Variants in FBXO16 observed in about 807,000 individuals in gnomAD.
The protein encoded by FBXO16 is F-box only protein 16.
FBXO16 carries 31 observed loss-of-function variants against 41.0 expected under a neutral mutation model. That is an observed-to-expected ratio of 0.76 (90% confidence interval 0.57 to 1.02). The LOEUF (loss-of-function observed/expected upper bound fraction) is 1.02. FBXO16 is among the 50% of genes least tolerant of loss of function. The pLI is 0.00. For synonymous variants in FBXO16, 133 were observed against 117.8 expected, an observed-to-expected ratio of 1.13 and a Z score of -0.84; for missense variants, 361 against 346.2, an observed-to-expected ratio of 1.04 and a Z score of -0.34.
intron 4 of FBXO16, among the ~76,000 whole-genome samples, chr8:28,458,139 C>T (rs1803066102): frequency 6.6e-6 from 1 of 152,200 alleles, no homozygotes; most frequent in Non-Finnish European, 1.5e-5. Context: ...TGAGTGCCCC[C>T]TCACCCCCAA....
intron 5 of FBXO16, among the ~76,000 whole-genome samples, chr8:28,452,923 G>A (rs868797504): frequency 4.2e-5 from 6 of 143,128 alleles, no homozygotes; most frequent in East Asian, 2.0e-4. Context: ...TAAAAAAAAA[G>A]AAAAAAAGGA....
In FBXO16 at chr8:28,483,430, G is replaced by A. The variant is rs1330944039; in HGVS notation, c.17C>T (p.Pro6Leu). ...TTTGGGACCATCTGTGTTTTTTGGAGGTGCAAATGCCATCATGAAACAACT... is the reference window on the plus strand; with the variant it reads ...TTTGGGACCATCTGTGTTTTTTGGAAGTGCAAATGCCATCATGAAACAACT... MMAFA[P>L]PKNTDGPKMQ... The change falls in exon 2 of 9, where the codon CCT becomes CTT. Residue 6 changes from proline (P) to leucine (L), a missense_variant. Physicochemically the swap from Pro to Leu is moderately conservative, Grantham distance 98 (BLOSUM62 -3). Coordinates refer to ENST00000380254, the MANE Select transcript of FBXO16 (RefSeq NM_172366.4). 2 of 1,613,870 alleles carry A rather than the reference G, an allele frequency of 1.2e-6. No homozygotes were observed. Among genetic ancestry groups the A allele is most frequent in the Admixed American group, 1.7e-5 (1 of 59,980 alleles).
chr8:28,460,448 G>A (rs1803116215), intron 4 of FBXO16, among the ~76,000 whole-genome samples: 1 of 51,750 alleles, frequency 1.9e-5, no homozygotes, highest in African/African-American at 1.4e-4. Context: ...TTTTTTTTGA[G>A]ACAGCGTCTC....
intron 2 of FBXO16, among the ~76,000 whole-genome samples, chr8:28,480,114 C>T (rs1803487924): frequency 6.6e-6 from 1 of 152,092 alleles, no homozygotes; most frequent in South Asian, 2.1e-4. Flanking sequence ...TCTTTCTCTG[C>T]CTTTCCTTTT....
In FBXO16 at chr8:28,428,467, T is replaced by G; in HGVS notation, c.*260A>C. On this transcript the variant is annotated 3_prime_UTR_variant, in exon 9 of 9. Transcript: ENST00000380254. ...TAGGACTCACTACCACAATAAGTAC[T>G]TAAGCTGAAAGAGTTTCTAATGGGA... 1.6e-6 allele frequency: 2 copies of G among 1,236,810 alleles called. No individual in the cohort carries two copies. The highest frequency in any genetic ancestry group is 2.2e-6 in the Non-Finnish European group (2 of 915,726). 76.6% of individuals were successfully genotyped at this position (1,236,810 alleles called of 1,614,324 possible).
At chr8:28,464,259 C>T (rs1003746455) in intron 3 of FBXO16, among the ~76,000 whole-genome samples, 5 of 152,184 alleles carry the variant, frequency 3.3e-5, no homozygotes, top group Non-Finnish European at 2.9e-5. Flanking sequence ...AAGCAAATAT[C>T]CCTCAGAAGG....
chr8:28,477,968 G>A (rs1014522475), intron 2 of FBXO16, among the ~76,000 whole-genome samples: 10 of 152,118 alleles, frequency 6.6e-5, no homozygotes, highest in Non-Finnish European at 1.5e-4. Context: ...AGCCGTGATT[G>A]TGCCACTGTA....
intron 7 of FBXO16, among the ~76,000 whole-genome samples, chr8:28,445,756 T>C (rs1473628780): frequency 6.6e-6 from 1 of 152,212 alleles, no homozygotes; most frequent in Non-Finnish European, 1.5e-5. Context: ...TCTTTCTTTT[T>C]TCTTTTTTTT....
intron 7 of FBXO16, among the ~76,000 whole-genome samples, chr8:28,442,337 C>G (rs1006742096): frequency 1.3e-5 from 2 of 151,942 alleles, no homozygotes; most frequent in African/African-American, 2.4e-5. Context: ...TCATAAGGAG[C>G]CTTCAAAACT....
Position 28,428,717 on chromosome 8 carries a change from G to A in FBXO16, c.*10C>T, listed in dbSNP as rs763181427. 6.4e-7 allele frequency: 1 copy of A among 1,566,104 alleles called. No homozygotes were observed. The highest frequency in any genetic ancestry group is 1.2e-5 in the South Asian group (1 of 83,216). On this transcript the variant is annotated 3_prime_UTR_variant, in exon 9 of 9. Transcript: ENST00000380254. Reference sequence around the variant, plus strand: ...GAGATGAGCTGGAACTTTTAGGGGAGAGCTGGCACTTAGGGACATCTAGAA... The same window carrying A: ...GAGATGAGCTGGAACTTTTAGGGGAAAGCTGGCACTTAGGGACATCTAGAA...
rs79997016 is a variant in FBXO16, at chr8:28,481,220, G to A, written c.99+2128C>T. The stretch of plus-strand genomic sequence containing the variant: ...ATTATTGGTTTCACATAATAGAATC[G>A]GAATCTTAGAAAGATCTCTCTGGGA... On this transcript the variant is annotated intron_variant, in intron 2 of 8. Coordinates refer to ENST00000380254, the MANE Select transcript of FBXO16 (RefSeq NM_172366.4). 6.4e-3 allele frequency among the ~76,000 whole-genome samples: 979 copies of A among 152,256 alleles called. 5 individuals are homozygous for A. Among genetic ancestry groups the A allele is most frequent in the Non-Finnish European group, 0.01 (698 of 68,012 alleles).
intron 7 of FBXO16, among the ~76,000 whole-genome samples, chr8:28,439,861 GTTCTATAAA>G (rs145357169): frequency 0.63 from 95,943 of 151,644 alleles, 30,874 homozygotes; most frequent in East Asian, 0.82. Context: ...CAGAAACTCT[GTTCTATAAA>G]TTCTTCTGTT....
chr8:28,465,639 T>A (rs1047259721), intron 3 of FBXO16, among the ~76,000 whole-genome samples: 25 of 151,782 alleles, frequency 1.6e-4, no homozygotes, highest in African/African-American at 3.6e-4. Flanking sequence ...AAATAAAAAA[T>A]TTTTAAAAAA....
chr8:28,475,613 T>TCTCTCCTC (rs1468158859), intron 2 of FBXO16, among the ~76,000 whole-genome samples: 1 of 152,204 alleles, frequency 6.6e-6, no homozygotes, highest in Admixed American at 6.5e-5. Context: ...TCCAGGGATT[T>TCTCTCCTC]CTCTCCTCCT....
Position 28,463,828 on chromosome 8 carries a change from C to A in FBXO16, c.136-10G>T, listed in dbSNP as rs746295862. The A allele has an allele frequency of 6.2e-7, 1 of 1,611,220 alleles. No homozygotes were observed. The highest frequency in any genetic ancestry group is 1.1e-5 in the South Asian group (1 of 91,004). On this transcript the variant is annotated splice_polypyrimidine_tract_variant and intron_variant, in intron 3 of 8. Transcript: ENST00000380254. ...CTGTCCATTTGTCAAACTGGAAACA[C>A]AAAACAAAGCAAAATGTAAAAAGCT...
At chr8:28,442,305 T>G (rs1316539834) in intron 7 of FBXO16, among the ~76,000 whole-genome samples, 1 of 152,000 alleles carries the variant, frequency 6.6e-6, no homozygotes, top group East Asian at 1.9e-4. Context: ...GTAATGGGAG[T>G]GTCTTGACAT....
At chr8:28,437,851 C>A (rs894214673) in intron 7 of FBXO16, among the ~76,000 whole-genome samples, 3 of 152,022 alleles carry the variant, frequency 2.0e-5, no homozygotes, top group Non-Finnish European at 4.4e-5. Context: ...CCAGAATGGG[C>A]AACAGAGCGA....
Position 28,438,260 on chromosome 8 carries a change from GA to G in FBXO16, c.844-8858del, listed in dbSNP as rs1802714261. On this transcript the variant is annotated intron_variant, in intron 7 of 8. Transcript: ENST00000380254. The stretch of plus-strand genomic sequence containing the variant: ...GAACCTGAGAGGCAGAGGCTGCAGT[GA>G]CCCAAGATTGCATCACTGCATTCCG... Among the ~76,000 whole-genome samples the G allele has an allele frequency of 3.3e-5, 5 of 152,168 alleles. No individual in the cohort carries two copies. In the South Asian group the frequency reaches 1.0e-3, roughly 32 times the overall value.
In FBXO16 at chr8:28,447,195, AGTTCT is replaced by A. The variant is rs568586909; in HGVS notation, c.814_818del (p.Arg272Ter). ...CCATTGATTGTGCTTTTCTTAGCCT[AGTTCT>A]GTCCTGCAATTTATTTTTCTTATCA... On this transcript the variant is annotated frameshift_variant, in exon 7 of 9. Transcript: ENST00000380254. LOFTEE classifies it high-confidence loss of function. 751 of 1,613,782 alleles carry A rather than the reference AGTTCT, an allele frequency of 4.7e-4. 4 individuals carry two copies. In the South Asian group the frequency reaches 7.9e-3, roughly 17 times the overall value.
Sources: allele counts gnomAD v4.1 joint callset (sites outside exome capture counted in the v4.1 genomes callset), GRCh38; gene constraint gnomAD v4.1.1; transcripts MANE v1.5; gene names NCBI Gene and HGNC (gene_info 2026-07-23, HGNC 2026-07-21).